PHF20L1: variants seen among roughly 807,000 people sequenced by gnomAD.
PHF20L1 encodes the protein PHD finger protein 20-like protein 1.
A neutral mutation model predicts 125.5 loss-of-function variants in PHF20L1; 44 were observed. The observed-to-expected ratio is 0.35, with a 90% CI of 0.28 to 0.45. The LOEUF (loss-of-function observed/expected upper bound fraction) is 0.45, where lower values mean the gene tolerates loss of function less well. PHF20L1 is among the 20% of genes least tolerant of loss of function. PHF20L1 has a pLI of 1.00. For synonymous variants in PHF20L1, 380 were observed against 403.1 expected (o/e 0.94, Z 0.69); for missense variants, 1,012 against 1,217.2 (o/e 0.83, Z 2.51).
At chr8:132,780,587 C>T (rs1830314224) in intron 2 of PHF20L1, among the ~76,000 whole-genome samples, 1 of 151,952 alleles carries the variant, frequency 6.6e-6, no homozygotes, top group Non-Finnish European at 1.5e-5. Flanking sequence ...CTTAGTCTTC[C>T]AAATTTATTC....
At chr8:132,796,325 A>G (rs1490040194) in intron 4 of PHF20L1, among the ~76,000 whole-genome samples, 1 of 152,050 alleles carries the variant, frequency 6.6e-6, no homozygotes, top group Non-Finnish European at 1.5e-5. Flanking sequence ...AGTGTCATGT[A>G]ATCTTGCTAA....
At position 132,842,850 on chromosome 8, in the gene PHF20L1, C is replaced by T. The variant is rs1241321518; in HGVS notation, c.2723C>T (p.Ala908Val). 73 of 1,609,152 alleles carry T rather than the reference C, an allele frequency of 4.5e-5. No homozygotes were observed. Among genetic ancestry groups the T allele is most frequent in the Non-Finnish European group, 6.1e-5 (72 of 1,177,414 alleles). Reference sequence around the variant, plus strand: ...AGTAAAAACAGTTTACAGTACTCAGCAAAAGAACATGGAATGCCTGAAAAG... The same window carrying T: ...AGTAAAAACAGTTTACAGTACTCAGTAAAAGAACATGGAATGCCTGAAAAG... ...MRSKNSLQYS[A>V]KEHGMPEKNP... Residue 908 changes from alanine (A) to valine (V), a missense_variant, in exon 19 of 21, where the codon GCA (alanine) becomes GTA (valine). Transcript: ENST00000395386.
intron 2 of PHF20L1, among the ~76,000 whole-genome samples, chr8:132,789,308 T>G (rs1831405373): frequency 6.6e-6 from 1 of 152,042 alleles, no homozygotes; most frequent in Non-Finnish European, 1.5e-5. Flanking sequence ...AATGACAACA[T>G]ATCAGATAAT....
At chr8:132,811,481 A>G (rs1834384096) in intron 9 of PHF20L1, 2 of 996,222 alleles carry the variant, frequency 2.0e-6, no homozygotes, top group Non-Finnish European at 2.4e-6. Context: ...TTGACATCGA[A>G]TAAAGCTTCT....
chr8:132,804,136 G>T (rs1833410620), intron 7 of PHF20L1, 104 bp downstream of exon 7: 1 of 765,808 alleles, frequency 1.3e-6, no homozygotes. Flanking sequence ...AATTAAATTT[G>T]TAGGCTTTTG....
At chr8:132,828,497 CTCT>C (rs1836436545) in intron 14 of PHF20L1, among the ~76,000 whole-genome samples, 1 of 152,002 alleles carries the variant, frequency 6.6e-6, no homozygotes, top group Non-Finnish European at 1.5e-5. Context: ...GTGTATTCTT[CTCT>C]TCAACAAGTT....
chr8:132,804,539 A>G (rs1254545415), intron 7 of PHF20L1, 76 bp from the exon 8 acceptor site: 3 of 1,138,628 alleles, frequency 2.6e-6, no homozygotes, highest in East Asian at 2.5e-5. Flanking sequence ...CATTTTTACT[A>G]TTTTGCTGTT....
At chr8:132,794,872 T>C (rs1832196099) in intron 4 of PHF20L1, 55 bp downstream of exon 4, 1 of 1,142,778 alleles carries the variant, frequency 8.8e-7, no homozygotes, top group Non-Finnish European at 1.3e-6. Context: ...AAAATTTCAC[T>C]GTATTTTAAA....
intron 14 of PHF20L1, among the ~76,000 whole-genome samples, chr8:132,827,518 A>C (rs570463883): frequency 6.6e-6 from 1 of 152,168 alleles, no homozygotes; most frequent in East Asian, 1.9e-4. Flanking sequence ...TCTTACATAC[A>C]AAATACCTGT....
chr8:132,814,647 C>A lies in PHF20L1; in HGVS notation c.941C>A (p.Pro314His). The A allele has an allele frequency of 6.3e-7, 1 of 1,589,632 alleles. No individual in the cohort carries two copies. The highest frequency in any genetic ancestry group is 8.6e-7 in the Non-Finnish European group (1 of 1,168,276). ...TAPMLEQAIS[P>H]KPQSQKKNEA... ...TTATTATTTATTCAGGCGATTTCAC[C>A]TAAACCTCAAAGTCAGAAAAAAAAT... Residue 314 changes from proline to histidine, a missense_variant, in exon 10 of 21, where the codon CCT becomes CAT. Coordinates refer to ENST00000395386, the MANE Select transcript of PHF20L1 (RefSeq NM_016018.5).
At chr8:132,816,613 G>A (rs1323258979) in intron 10 of PHF20L1, 2 of 296,156 alleles carry the variant, frequency 6.8e-6, no homozygotes, top group Non-Finnish European at 1.2e-5. Context: ...ATTAACTGTA[G>A]TCTGTCACTT....
chr8:132,800,385 A>G (rs1206758845), intron 6 of PHF20L1, among the ~76,000 whole-genome samples: 1 of 151,592 alleles, frequency 6.6e-6, no homozygotes, highest in African/African-American at 2.4e-5. Flanking sequence ...AACGTTAACA[A>G]TATTTGTAGA....
At chr8:132,805,047 A>G (rs1333735695) in intron 8 of PHF20L1, among the ~76,000 whole-genome samples, 1 of 151,848 alleles carries the variant, frequency 6.6e-6, no homozygotes, top group East Asian at 1.9e-4. Flanking sequence ...TTTCTAGAAG[A>G]ATTATTTTGT....
intron 4 of PHF20L1, among the ~76,000 whole-genome samples, chr8:132,796,742 T>C (rs1390689922): frequency 6.6e-6 from 1 of 152,066 alleles, no homozygotes; most frequent in Non-Finnish European, 1.5e-5. Context: ...CCAAGTCTTA[T>C]TCACATTGGC....
At chr8:132,798,367 T>C (rs1417984117) in intron 4 of PHF20L1, among the ~76,000 whole-genome samples, 1 of 152,086 alleles carries the variant, frequency 6.6e-6, no homozygotes, top group Non-Finnish European at 1.5e-5. Flanking sequence ...GCATATCAGC[T>C]CCTTCTCTGT....
rs769499922 is a variant in PHF20L1, at chr8:132,833,373, G to A, written c.1909+974G>A. On this transcript the variant is annotated intron_variant, in intron 15 of 20. Transcript: ENST00000395386. ...TGACACTTGTGAGATTTTATTTTTA[G>A]AACCTTGAGGTATGGGAGGGGATTA... 3.2e-4 allele frequency among the ~76,000 whole-genome samples: 49 copies of A among 151,960 alleles called. 1 individual carries two copies. The highest frequency in any genetic ancestry group is 2.2e-4 in the Non-Finnish European group (15 of 67,956).
At position 132,778,442 on chromosome 8, in the gene PHF20L1, G is replaced by A. The variant is rs528080427; in HGVS notation, c.83+531G>A. Among the ~76,000 whole-genome samples, 8 of 152,182 alleles carry A rather than the reference G, an allele frequency of 5.3e-5. No individual in the cohort carries two copies. The East Asian group carries it at 1.5e-3, about 29-fold the overall frequency. ...ACTTAACCTCCTATTTTCCCTGGTG[G>A]GCCTTAACCTAAAGGCAGGTTGTTA... On this transcript the variant is annotated intron_variant, in intron 2 of 20. Transcript: ENST00000395386.
In PHF20L1 at chr8:132,847,174, ACACT is replaced by A. The variant is rs771895285; in HGVS notation, c.*1254_*1257del. 10 of 152,136 alleles carry A rather than the reference ACACT, an allele frequency of 6.6e-5. No homozygotes were observed. Among genetic ancestry groups the A allele is most frequent in the East Asian group, 1.9e-4 (1 of 5,158 alleles). The allele number at this position is 152,136 out of a possible 1,614,324, so 9.4% of individuals were successfully genotyped here. A position where few individuals can be genotyped will look rare whatever the true frequency, so the allele number is the denominator to read the frequency against. ...AAGTGTGTATGCTTGTTTTAAACAA[ACACT>A]CAACGTACATATGTACATAATCTAC... is the stretch of plus-strand genomic sequence containing the variant. On this transcript the variant is annotated 3_prime_UTR_variant, in exon 21 of 21. Transcript: ENST00000395386.
chr8:132,830,684 A>C lies in PHF20L1; in HGVS notation c.1745-1551A>C, dbSNP rs1020301546. On this transcript the variant is annotated intron_variant, in intron 14 of 20. Coordinates refer to ENST00000395386, the MANE Select transcript of PHF20L1 (RefSeq NM_016018.5). Reference sequence around the variant, plus strand: ...TACCACATCTGCATGCTTACATGAAAATATTCATCATCTTAGCCTCTATTA... The same window carrying C: ...TACCACATCTGCATGCTTACATGAACATATTCATCATCTTAGCCTCTATTA... Among the ~76,000 whole-genome samples the C allele has an allele frequency of 3.9e-5, 6 of 152,170 alleles. No individual in the cohort carries two copies. In the East Asian group the frequency reaches 1.2e-3, roughly 30 times the overall value.
Sources: gnomAD v4.1 joint callset for allele counts (sites outside exome capture counted in the v4.1 genomes callset) on GRCh38, gnomAD v4.1.1 for gene constraint, MANE v1.5 for transcripts, NCBI Gene and HGNC (gene_info 2026-07-23, HGNC 2026-07-21) for gene names.